The following CSMD3 variants were observed in gnomAD, a reference collection of about 807,000 sequenced individuals.
CSMD3 encodes CUB and Sushi multiple domains 3, also known as CUB and sushi domain-containing protein 3.
CSMD3 carries 177 observed loss-of-function variants against 435.2 expected under a neutral mutation model. The observed-to-expected ratio is 0.41, with a 90% CI of 0.36 to 0.46. CSMD3 has a LOEUF of 0.46. CSMD3 is among the 20% of genes least tolerant of loss of function. CSMD3 has a pLI of 0.34. For synonymous variants in CSMD3, 1,656 were observed against 1,520.5 expected (o/e 1.09, Z -2.07); for missense variants, 4,265 against 4,504.6 (o/e 0.95, Z 1.52).
At chr8:112,735,960 CATGTT>C (rs2077177786) in intron 13 of CSMD3, among the ~76,000 whole-genome samples, 1 of 151,922 alleles carries the variant, frequency 6.6e-6, no homozygotes, top group Non-Finnish European at 1.5e-5. Context: ...TCTCAAGAAT[CATGTT>C]AGGTAGAAAA....
chr8:113,019,964 C>T (rs1202637112), intron 5 of CSMD3, among the ~76,000 whole-genome samples: 1 of 150,902 alleles, frequency 6.6e-6, no homozygotes, highest in Non-Finnish European at 1.5e-5. Context: ...GAGATCGAGA[C>T]CATCCTGGCT....
rs1217257230 is a variant in CSMD3, at chr8:112,491,552, A to G, written c.5278+937T>C. 4.5e-4 allele frequency among the ~76,000 whole-genome samples: 68 copies of G among 152,088 alleles called. 1 individual carries two copies. The highest frequency in any genetic ancestry group is 1.3e-4 in the Admixed American group (2 of 15,266). On this transcript the variant is annotated intron_variant, in intron 31 of 70. Coordinates refer to ENST00000297405, the MANE Select transcript of CSMD3 (RefSeq NM_198123.2). ...GTAATCCCAGTCATTAGGGAGTCTG[A>G]GGCAGGAGAATCACTTGATTGCGGG... is the stretch of plus-strand genomic sequence containing the variant.
chr8:112,966,069 T>C (rs1172222904), intron 7 of CSMD3, among the ~76,000 whole-genome samples: 1 of 151,810 alleles, frequency 6.6e-6, no homozygotes, highest in Non-Finnish European at 1.5e-5. Context: ...AGGATATTGA[T>C]AAAGCATACA....
intron 3 of CSMD3, among the ~76,000 whole-genome samples, chr8:113,214,393 G>C (rs749933619): frequency 6.6e-6 from 1 of 151,864 alleles, no homozygotes; most frequent in Non-Finnish European, 1.5e-5. Context: ...CCAAACCTTA[G>C]TAAACTTGTA....
At chr8:112,825,413 G>T (rs1309086818) in intron 12 of CSMD3, among the ~76,000 whole-genome samples, 2 of 147,984 alleles carry the variant, frequency 1.4e-5, no homozygotes, top group South Asian at 2.1e-4. Flanking sequence ...TCATCTTTTT[G>T]TTGTTGTTGT....
chr8:112,343,837 C>T (rs1201252648), intron 41 of CSMD3, among the ~76,000 whole-genome samples: 1 of 151,742 alleles, frequency 6.6e-6, no homozygotes, highest in African/African-American at 2.4e-5. Context: ...ATAGTACAGA[C>T]AGAGCCTCAC....
chr8:112,901,501 A>G (rs1002885455), intron 10 of CSMD3, among the ~76,000 whole-genome samples: 4 of 151,314 alleles, frequency 2.6e-5, no homozygotes, highest in Non-Finnish European at 5.9e-5. Flanking sequence ...AACTGACTGA[A>G]GTACCTAGAA....
At chr8:113,245,752 C>T (rs117607582) in intron 3 of CSMD3, among the ~76,000 whole-genome samples, 3,514 of 152,074 alleles carry the variant, frequency 0.023, 54 homozygotes, top group Middle Eastern at 0.051. Flanking sequence ...ACTTGAGTTA[C>T]TGTCTAATGT....
chr8:112,625,453 T>C (rs967670625), intron 22 of CSMD3, among the ~76,000 whole-genome samples: 20 of 152,130 alleles, frequency 1.3e-4, no homozygotes, highest in Non-Finnish European at 2.8e-4. Context: ...TCAATTGAGA[T>C]TCAAGTTTTA....
At chr8:112,432,335 GC>G in intron 32 of CSMD3, among the ~76,000 whole-genome samples, 1 of 152,098 alleles carries the variant, frequency 6.6e-6, no homozygotes, top group East Asian at 1.9e-4. Flanking sequence ...TTAGGGTCTT[GC>G]TTTGTTGCCC....
intron 6 of CSMD3, among the ~76,000 whole-genome samples, chr8:112,994,530 C>G (rs2085573147): frequency 1.3e-5 from 2 of 151,490 alleles, no homozygotes; most frequent in African/African-American, 4.8e-5. Context: ...TCTATTATAG[C>G]AAGGTACTGT....
At chr8:112,486,068 T>TTCAAC (rs1223361592) in intron 31 of CSMD3, among the ~76,000 whole-genome samples, 1 of 151,862 alleles carries the variant, frequency 6.6e-6, no homozygotes. Context: ...AGAGTTGTAT[T>TTCAAC]TCAGATGAAA....
At chr8:112,244,674 A>C in intron 64 of CSMD3, 101 bp from the exon 65 acceptor site, 3 of 759,262 alleles carry the variant, frequency 4.0e-6, no homozygotes, top group Non-Finnish European at 6.8e-6. Flanking sequence ...CAATGCCTTT[A>C]TATACATATA....
In CSMD3 at chr8:113,381,024, A is replaced by G. The variant is rs1320180845; in HGVS notation, c.178+55653T>C. 2.6e-5 allele frequency among the ~76,000 whole-genome samples: 4 copies of G among 152,200 alleles called. 1 individual carries two copies. Among genetic ancestry groups the G allele is most frequent in the Non-Finnish European group, 5.9e-5 (4 of 68,032 alleles). ...AGCTCTTTCAGCTAGGAATAGATCC[A>G]AATCCCGTCTCCATATATAAATGCC... On this transcript the variant is annotated intron_variant, in intron 1 of 70. Transcript: ENST00000297405.
intron 60 of CSMD3, among the ~76,000 whole-genome samples, chr8:112,265,151 A>G (rs574919964): frequency 3.9e-4 from 59 of 152,112 alleles, no homozygotes; most frequent in East Asian, 1.3e-3. Context: ...GTGAATATGG[A>G]CATAATATTT....
At chr8:113,167,014 T>TA (rs2092164168) in intron 4 of CSMD3, among the ~76,000 whole-genome samples, 1 of 152,120 alleles carries the variant, frequency 6.6e-6, no homozygotes, top group Non-Finnish European at 1.5e-5. Context: ...AACTGAGGTC[T>TA]AAAAAATTAA....
intron 35 of CSMD3, among the ~76,000 whole-genome samples, chr8:112,397,573 G>T (rs980081842): frequency 2.0e-5 from 3 of 152,146 alleles, no homozygotes; most frequent in Non-Finnish European, 2.9e-5. Context: ...AGCACTGGTA[G>T]ATTTGATGTC....
At chr8:112,429,533 C>G (rs1037693876) in intron 32 of CSMD3, among the ~76,000 whole-genome samples, 2 of 151,830 alleles carry the variant, frequency 1.3e-5, no homozygotes, top group Admixed American at 6.6e-5. Flanking sequence ...GTGCTATGAC[C>G]CCAGAGTGTG....
intron 16 of CSMD3, among the ~76,000 whole-genome samples, chr8:112,678,843 G>C (rs1343533545): frequency 6.6e-6 from 1 of 152,012 alleles, no homozygotes; most frequent in Non-Finnish European, 1.5e-5. Flanking sequence ...TTAATATGAA[G>C]ATAATTTAAA....
Sources: allele counts gnomAD v4.1 joint callset (sites outside exome capture counted in the v4.1 genomes callset), GRCh38; gene constraint gnomAD v4.1.1; transcripts MANE v1.5; gene names NCBI Gene and HGNC (gene_info 2026-07-23, HGNC 2026-07-21).